DIAPH2: variants seen among roughly 807,000 people sequenced by gnomAD.
DIAPH2 encodes diaphanous related formin 2.
In DIAPH2, 35 loss-of-function variants were observed where a neutral mutation model predicts 92.7. The ratio of observed to expected loss-of-function variants is 0.38; its 90% CI spans 0.29 to 0.50. DIAPH2 has a LOEUF of 0.50. Among genes scored for constraint, DIAPH2 ranks in the 20% least tolerant of loss-of-function variants. The pLI is 0.94. For synonymous variants in DIAPH2, 301 were observed against 280.4 expected, an observed-to-expected ratio of 1.07 and a Z score of -0.73; for missense variants, 701 against 819.5, an observed-to-expected ratio of 0.86 and a Z score of 1.77.
At position 96,743,502 on chromosome X, in the gene DIAPH2, T is replaced by C. The variant is rs139703243; in HGVS notation, c.342+4740T>C. ...CCTGGTCAACAGTTGTTATCTTTTG[T>C]CTTCAGTAATAGCCATTCTAAAAGA... On this transcript the variant is annotated intron_variant, in intron 3 of 26. Coordinates refer to ENST00000324765, the MANE Select transcript of DIAPH2 (RefSeq NM_006729.5). Among the ~76,000 whole-genome samples the C allele has an allele frequency of 7.9e-3, 882 of 112,206 alleles. 9 individuals are homozygous for C. Among genetic ancestry groups the C allele is most frequent in the African/African-American group, 0.028 (851 of 30,862 alleles).
chrX:97,126,896 C>T (rs1334311028), intron 21 of DIAPH2, among the ~76,000 whole-genome samples: 1 of 112,375 alleles, frequency 8.9e-6, no homozygotes, highest in East Asian at 2.8e-4. Flanking sequence ...AAGCACAAAG[C>T]CTTGCCATTC....
intron 22 of DIAPH2, among the ~76,000 whole-genome samples, chrX:97,221,676 A>G (rs1250069657): frequency 1.8e-5 from 2 of 111,887 alleles, no homozygotes; most frequent in East Asian, 2.8e-4. Context: ...GTACATAAAA[A>G]TAGTTGATTC....
chrX:97,210,216 C>T (rs1199853422), intron 22 of DIAPH2, among the ~76,000 whole-genome samples: 1 of 112,051 alleles, frequency 8.9e-6, no homozygotes, highest in Admixed American at 9.5e-5. Flanking sequence ...ACCTCTTTTA[C>T]ACATCCCTTA....
At chrX:97,300,823 T>C (rs1242482503) in intron 23 of DIAPH2, among the ~76,000 whole-genome samples, 1 of 98,134 alleles carries the variant, frequency 1.0e-5, no homozygotes, top group Admixed American at 1.2e-4. Flanking sequence ...TCCCAGCTAC[T>C]TGGGAGGCTG....
At chrX:97,185,572 G>A (rs1199903501) in intron 22 of DIAPH2, among the ~76,000 whole-genome samples, 1 of 80,840 alleles carries the variant, frequency 1.2e-5, no homozygotes, top group Non-Finnish European at 2.3e-5. Flanking sequence ...CTCTCACTCA[G>A]TTCCACCATG....
intron 12 of DIAPH2, among the ~76,000 whole-genome samples, chrX:96,941,004 G>A (rs1161072888): frequency 9.0e-6 from 1 of 111,105 alleles, no homozygotes; most frequent in African/African-American, 3.3e-5. Context: ...TGACTAGACT[G>A]AGGTTATAAT....
Position 96,937,409 on chromosome X carries a change from G to A in DIAPH2, c.1208+58G>A, listed in dbSNP as rs983670269. 7.9e-5 allele frequency: 60 copies of A among 754,731 alleles called. No homozygotes were observed. The Admixed American group carries it at 1.7e-3, about 22-fold the overall frequency. The allele number at this position is 754,731 out of a possible 1,213,427, so 62.2% of individuals were successfully genotyped here. A position where few individuals can be genotyped will look rare whatever the true frequency, so the allele number is the denominator to read the frequency against. On this transcript the variant is annotated intron_variant, in intron 11 of 26. Coordinates refer to ENST00000324765, the MANE Select transcript of DIAPH2 (RefSeq NM_006729.5). Reference sequence around the variant, plus strand: ...TTGCATTGTGAGAAAGGGATTTGTGGGCGATTTTGTGGAACATTATTAGAG... The same window carrying A: ...TTGCATTGTGAGAAAGGGATTTGTGAGCGATTTTGTGGAACATTATTAGAG...
chrX:97,320,767 A>G (rs1248996547), intron 23 of DIAPH2, among the ~76,000 whole-genome samples: 1 of 108,928 alleles, frequency 9.2e-6, no homozygotes, highest in African/African-American at 3.3e-5. Flanking sequence ...CCTTGAATGT[A>G]GGTTAAGCTT....
In DIAPH2 at chrX:97,347,788, G is replaced by T. The variant is rs145409834; in HGVS notation, c.2845-328G>T. Among the ~76,000 whole-genome samples the T allele has an allele frequency of 3.7e-3, 410 of 110,916 alleles. 4 individuals carry two copies. The highest frequency in any genetic ancestry group is 0.021 in the South Asian group (55 of 2,590). ...AATTAAGTTAAAATGAGCTGATTAG[G>T]GTGGGCCCTAATCCAATATGTCTAG... On this transcript the variant is annotated intron_variant, in intron 23 of 26. Transcript: ENST00000324765.
chrX:96,780,968 G>A (rs1203889290), intron 4 of DIAPH2, among the ~76,000 whole-genome samples: 1 of 107,937 alleles, frequency 9.3e-6, no homozygotes, highest in African/African-American at 3.4e-5. Flanking sequence ...CACCACACCC[G>A]ACTAATTTTT....
At chrX:97,305,128 C>T (rs1314360767) in intron 23 of DIAPH2, among the ~76,000 whole-genome samples, 1 of 112,140 alleles carries the variant, frequency 8.9e-6, no homozygotes, top group African/African-American at 3.2e-5. Context: ...CTAAGCTGAG[C>T]TGAGGCAGTG....
chrX:97,359,459 C>T (rs749590960), intron 24 of DIAPH2, among the ~76,000 whole-genome samples: 5 of 106,770 alleles, frequency 4.7e-5, no homozygotes, highest in Non-Finnish European at 7.7e-5. Context: ...TGTGTGTGTG[C>T]GTGTGTGTAT....
chrX:97,258,652 G>A (rs2068259640), intron 23 of DIAPH2, among the ~76,000 whole-genome samples: 1 of 107,870 alleles, frequency 9.3e-6, no homozygotes, highest in African/African-American at 3.4e-5. Context: ...GGTGGATCAC[G>A]GGGTCAGGAG....
intron 17 of DIAPH2, among the ~76,000 whole-genome samples, chrX:97,014,841 T>C (rs1475149898): frequency 8.9e-6 from 1 of 112,019 alleles, no homozygotes; most frequent in African/African-American, 3.2e-5. Flanking sequence ...TTCATGATGG[T>C]AAAAATAAAG....
chrX:96,962,115 G>A (rs1164731784), intron 16 of DIAPH2, among the ~76,000 whole-genome samples: 1 of 105,502 alleles, frequency 9.5e-6, no homozygotes, highest in Non-Finnish European at 1.9e-5. Context: ...GCTGGGAGTA[G>A]GGTGTTGAAG....
intron 12 of DIAPH2, among the ~76,000 whole-genome samples, chrX:96,940,057 G>A (rs1347310599): frequency 9.1e-6 from 1 of 110,215 alleles, no homozygotes; most frequent in Non-Finnish European, 1.9e-5. Flanking sequence ...ACAGGACTTT[G>A]GTAGCAATGA....
chrX:97,510,486 T>C (rs1466102633), intron 26 of DIAPH2, among the ~76,000 whole-genome samples: 11 of 110,626 alleles, frequency 9.9e-5, no homozygotes, highest in Non-Finnish European at 1.9e-4. Context: ...GGTGGTTTCT[T>C]TTGCTGTGCA....
intron 23 of DIAPH2, among the ~76,000 whole-genome samples, chrX:97,321,652 C>G (rs767612567): frequency 3.2e-4 from 34 of 106,232 alleles, no homozygotes; most frequent in Non-Finnish European, 5.6e-4. Flanking sequence ...CAGGTTCATG[C>G]CATTCTCCTG....
At chrX:96,842,907 A>G (rs1219347089) in intron 4 of DIAPH2, among the ~76,000 whole-genome samples, 1 of 111,887 alleles carries the variant, frequency 8.9e-6, no homozygotes, top group Non-Finnish European at 1.9e-5. Flanking sequence ...CCTTTTCCCA[A>G]GGTGCACTAG....
Sources: gnomAD v4.1 joint callset for allele counts (sites outside exome capture counted in the v4.1 genomes callset) on GRCh38, gnomAD v4.1.1 for gene constraint, MANE v1.5 for transcripts, NCBI Gene and HGNC (gene_info 2026-07-23, HGNC 2026-07-21) for gene names.